The following SLC5A7 variants were observed in gnomAD, a reference collection of about 807,000 sequenced individuals.
SLC5A7 encodes the protein high affinity choline transporter 1.
A neutral mutation model predicts 55.4 loss-of-function variants in SLC5A7; 19 were observed. The ratio of observed to expected loss-of-function variants is 0.34; its 90% CI spans 0.24 to 0.50. The LOEUF (loss-of-function observed/expected upper bound fraction) is 0.50, where lower values mean the gene tolerates loss of function less well. Ranked by LOEUF, SLC5A7 falls within the 20% of genes least tolerant of loss-of-function variation. The pLI is 0.98. For synonymous variants in SLC5A7, 265 were observed against 263.7 expected (o/e 1.00, Z -0.05); for missense variants, 506 against 705.3 (o/e 0.72, Z 3.20).
At chr2:107,987,962 C>A in intron 1 of SLC5A7, 143 bp from the exon 2 acceptor site, 1 of 424,810 alleles carries the variant, frequency 2.4e-6, no homozygotes, top group Non-Finnish European at 4.2e-6. Context: ...TTATTGTTAA[C>A]TGCCCGTTTC....
At chr2:108,006,688 C>T (rs530137112) in intron 7 of SLC5A7, among the ~76,000 whole-genome samples, 8 of 152,126 alleles carry the variant, frequency 5.3e-5, no homozygotes, top group South Asian at 2.1e-4. Flanking sequence ...TTTAAAAATA[C>T]GGATATGTGG....
Position 107,993,060 on chromosome 2 carries a change from C to T in SLC5A7, c.381C>T (p.Gly127=), listed in dbSNP as rs539420582. The change falls in exon 4 of 9, where the codon GGC becomes GGT. Residue 127 remains glycine (G), a synonymous_variant. Transcript: ENST00000264047. ...PFQQIYGKRM[G]GLLFIPALMG... is the part of the protein sequence containing the mutation. Reference sequence around the variant, plus strand: ...AGCAAATCTATGGAAAACGCATGGGCGGACTCCTGTTTATTCCTGCACTGA... The same window carrying T: ...AGCAAATCTATGGAAAACGCATGGGTGGACTCCTGTTTATTCCTGCACTGA... 1.2e-5 allele frequency: 20 copies of T among 1,614,200 alleles called. 1 individual carries two copies. Among genetic ancestry groups the T allele is most frequent in the Middle Eastern group, 1.6e-4 (1 of 6,062 alleles).
intron 8 of SLC5A7, 101 bp from the exon 9 acceptor site, chr2:108,010,131 A>G: frequency 7.2e-7 from 1 of 1,391,828 alleles, no homozygotes; most frequent in Non-Finnish European, 9.7e-7. Context: ...GAACCAGGAG[A>G]ATTCTTTAGA....
intron 5 of SLC5A7, 69 bp downstream of exon 5, chr2:107,998,055 T>C (rs111990253): frequency 7.2e-7 from 1 of 1,393,300 alleles, no homozygotes; most frequent in Non-Finnish European, 9.6e-7. Context: ...TACTAACTCA[T>C]TAAAAATGAG....
intron 6 of SLC5A7, among the ~76,000 whole-genome samples, chr2:108,005,399 A>G (rs985154840): frequency 6.6e-6 from 1 of 152,364 alleles, no homozygotes; most frequent in East Asian, 1.9e-4. Flanking sequence ...AGAATATTTT[A>G]TGATGGTTAG....
intron 1 of SLC5A7, among the ~76,000 whole-genome samples, chr2:107,987,818 A>G (rs577937615): frequency 6.6e-6 from 1 of 152,336 alleles, no homozygotes; most frequent in Non-Finnish European, 1.5e-5. Flanking sequence ...TTAATTTTAA[A>G]TTTAAAGCAT....
chr2:108,001,846 C>A, intron 5 of SLC5A7, 51 bp from the exon 6 acceptor site: 1 of 1,601,152 alleles, frequency 6.2e-7, no homozygotes, highest in Non-Finnish European at 8.5e-7. Context: ...TTGCATATAT[C>A]AGACAGTTGA....
At chr2:108,005,179 C>A (rs1000880140) in intron 6 of SLC5A7, among the ~76,000 whole-genome samples, 1 of 152,170 alleles carries the variant, frequency 6.6e-6, no homozygotes, top group Non-Finnish European at 1.5e-5. Context: ...GCTGTATTGC[C>A]TTGAGCACTC....
intron 6 of SLC5A7, among the ~76,000 whole-genome samples, chr2:108,003,780 C>T (rs1260388152): frequency 1.3e-5 from 2 of 152,236 alleles, no homozygotes; most frequent in South Asian, 2.1e-4. Flanking sequence ...CATATTACTA[C>T]CTACTTTAGT....
rs1465216892 is a variant in SLC5A7, at chr2:108,005,081, A to G, written c.742-968A>G. ...ATATTCTGTACTAACGTATGATGTA[A>G]ATCATTTAATAAAAGCAACCATACA... On this transcript the variant is annotated intron_variant, in intron 6 of 8. Transcript: ENST00000264047. Among the ~76,000 whole-genome samples the G allele has an allele frequency of 2.0e-5, 3 of 152,232 alleles. No homozygotes were observed. The East Asian group carries it at 5.8e-4, about 29-fold the overall frequency.
At chr2:107,992,078 C>T (rs759164593) in intron 2 of SLC5A7, 28 bp from the exon 3 acceptor site, 2 of 1,458,546 alleles carry the variant, frequency 1.4e-6, no homozygotes, top group East Asian at 4.6e-5. Context: ...AAGACAGTAT[C>T]ACTCCCTCAC....
intron 4 of SLC5A7, among the ~76,000 whole-genome samples, chr2:107,994,869 A>G (rs1036562186): frequency 7.9e-5 from 12 of 152,234 alleles, no homozygotes; most frequent in African/African-American, 2.9e-4. Flanking sequence ...CTCATTGAGT[A>G]AAGATCAACT....
At chr2:108,007,514 G>GT (rs1678171924) in intron 7 of SLC5A7, among the ~76,000 whole-genome samples, 1 of 151,938 alleles carries the variant, frequency 6.6e-6, no homozygotes, top group African/African-American at 2.4e-5. Context: ...CTGTGTGTGT[G>GT]TGTTTATTGT....
rs13020429 is a variant in SLC5A7 at position 107,992,477 on chromosome 2, C to G, written c.292+258C>G. On this transcript the variant is annotated intron_variant, in intron 3 of 8. Coordinates refer to ENST00000264047, the MANE Select transcript of SLC5A7 (RefSeq NM_021815.5). ...AGCACAGTGAATTTCTTAACATAAT[C>G]ATGTTTTATTTCTTTCAAAACAAGT... is the stretch of plus-strand genomic sequence containing the variant. Among the ~76,000 whole-genome samples, 44,766 of 152,078 alleles carry G rather than the reference C, an allele frequency of 0.29. 6,978 individuals carry two copies. Among genetic ancestry groups the G allele is most frequent in the Non-Finnish European group, 0.34 (23,389 of 67,972 alleles).
intron 5 of SLC5A7, among the ~76,000 whole-genome samples, chr2:107,999,964 C>G (rs1677820364): frequency 6.6e-6 from 1 of 152,194 alleles, no homozygotes; most frequent in South Asian, 2.1e-4. Flanking sequence ...TATTAAATTT[C>G]AGAATAAATT....
chr2:107,994,879 T>G (rs1677608374), intron 4 of SLC5A7, among the ~76,000 whole-genome samples: 1 of 152,130 alleles, frequency 6.6e-6, no homozygotes, highest in Non-Finnish European at 1.5e-5. Flanking sequence ...AAAGATCAAC[T>G]TATATAACAG....
intron 7 of SLC5A7, among the ~76,000 whole-genome samples, chr2:108,007,104 G>T (rs333223): frequency 0.087 from 13,209 of 151,978 alleles, 822 homozygotes; most frequent in Admixed American, 0.16. Flanking sequence ...TTTATGTTCC[G>T]GTGCTGTAAC....
chr2:108,003,210 T>C (rs565510622), intron 6 of SLC5A7, among the ~76,000 whole-genome samples: 1 of 152,318 alleles, frequency 6.6e-6, no homozygotes, highest in African/African-American at 2.4e-5. Flanking sequence ...TATACCTGCA[T>C]AGTAGATGTG....
chr2:107,997,651 G>T (rs965412667), intron 4 of SLC5A7, among the ~76,000 whole-genome samples, 187 bp from the exon 5 acceptor site: 1 of 152,146 alleles, frequency 6.6e-6, no homozygotes, highest in Non-Finnish European at 1.5e-5. Context: ...GAAAAAGTAT[G>T]TATCTCACTG....
Sources: gnomAD v4.1 joint callset for allele counts (sites outside exome capture counted in the v4.1 genomes callset) on GRCh38, gnomAD v4.1.1 for gene constraint, MANE v1.5 for transcripts, NCBI Gene and HGNC (gene_info 2026-07-23, HGNC 2026-07-21) for gene names.